Variants in SCN11A observed in about 807,000 individuals in gnomAD.
SCN11A encodes sodium voltage-gated channel alpha subunit 11, also known as sodium channel protein type 11 subunit alpha.
Under a neutral mutation model 162.2 loss-of-function variants are expected in SCN11A, and 122 were observed. The observed-to-expected ratio is 0.75, with a 90% CI of 0.65 to 0.87. The LOEUF (loss-of-function observed/expected upper bound fraction) is 0.87. Among genes scored for constraint, SCN11A ranks in the 40% least tolerant of loss-of-function variants. SCN11A has a pLI of 0.00. For missense variants in SCN11A, 2,015 were observed against 2,181.6 expected (o/e 0.92, Z 1.52); for synonymous variants, 758 against 751.5 (o/e 1.01, Z -0.14).
chr3:38,940,793 G>A (rs1008399602), intron 7 of SCN11A, among the ~76,000 whole-genome samples: 8 of 152,156 alleles, frequency 5.3e-5, no homozygotes, highest in African/African-American at 9.7e-5. Flanking sequence ...CACGGGCATA[G>A]AGGAAAGTTT....
At chr3:38,981,314 G>A (rs1006325933) in intron 2 of SCN11A, among the ~76,000 whole-genome samples, 2 of 152,154 alleles carry the variant, frequency 1.3e-5, no homozygotes, top group African/African-American at 2.4e-5. Context: ...TGACCTGTTG[G>A]AGAAATTCAG....
At chr3:38,881,516 A>G (rs1046444684) in intron 22 of SCN11A, among the ~76,000 whole-genome samples, 1 of 152,184 alleles carries the variant, frequency 6.6e-6, no homozygotes, top group African/African-American at 2.4e-5. Context: ...AGGCTTCCAC[A>G]TTATATCTAG....
At chr3:38,954,963 G>A (rs1304230654) in intron 3 of SCN11A, among the ~76,000 whole-genome samples, 2 of 152,124 alleles carry the variant, frequency 1.3e-5, no homozygotes. Flanking sequence ...CCTCCAGCCT[G>A]GGTAACCCAG....
intron 7 of SCN11A, among the ~76,000 whole-genome samples, chr3:38,944,429 C>T (rs139571251): frequency 0.016 from 2,396 of 151,728 alleles, 65 homozygotes; most frequent in African/African-American, 0.056. Flanking sequence ...CAGGTTCATG[C>T]CATTCTCCTG....
intron 9 of SCN11A, among the ~76,000 whole-genome samples, chr3:38,922,504 G>A (rs2066069536): frequency 6.6e-6 from 1 of 152,160 alleles, no homozygotes; most frequent in African/African-American, 2.4e-5. Flanking sequence ...CATTTAATGG[G>A]CCAAAATAGA....
intron 2 of SCN11A, among the ~76,000 whole-genome samples, chr3:39,024,706 A>G (rs1367074985): frequency 2.0e-5 from 3 of 152,192 alleles, no homozygotes; most frequent in Non-Finnish European, 4.4e-5. Context: ...TAAGACTCCC[A>G]TTTCAGAAAG....
At chr3:38,924,670 G>T (rs2066108808) in intron 9 of SCN11A, among the ~76,000 whole-genome samples, 1 of 152,038 alleles carries the variant, frequency 6.6e-6, no homozygotes, top group Non-Finnish European at 1.5e-5. Context: ...ACTGCACCTG[G>T]CCTTAACTCT....
intron 7 of SCN11A, among the ~76,000 whole-genome samples, chr3:38,930,831 C>G (rs2066228783): frequency 6.6e-6 from 1 of 152,130 alleles, no homozygotes; most frequent in Non-Finnish European, 1.5e-5. Flanking sequence ...TCCAAAACTT[C>G]CAGGGGAGAG....
At chr3:38,938,087 G>A (rs1278602031) in intron 7 of SCN11A, among the ~76,000 whole-genome samples, 6 of 152,104 alleles carry the variant, frequency 3.9e-5, no homozygotes, top group Admixed American at 3.9e-4. Flanking sequence ...GTAGGGACAT[G>A]GATGAAATTG....
chr3:39,037,137 T>A (rs1439432198), intron 1 of SCN11A, among the ~76,000 whole-genome samples: 1 of 152,232 alleles, frequency 6.6e-6, no homozygotes. Context: ...AGAGTACTAT[T>A]CAGCTACAAA....
intron 4 of SCN11A, among the ~76,000 whole-genome samples, chr3:38,950,902 T>C (rs2066602797): frequency 6.6e-6 from 1 of 152,202 alleles, no homozygotes. Flanking sequence ...AAAAGAGCCA[T>C]AAACATAGGC....
chr3:38,920,493 T>C (rs2066031046), intron 10 of SCN11A, among the ~76,000 whole-genome samples: 1 of 151,818 alleles, frequency 6.6e-6, no homozygotes, highest in Admixed American at 6.6e-5. Context: ...GAGATGGAGA[T>C]CATCCTGGCC....
Position 38,899,993 on chromosome 3 carries a change from C to T in SCN11A, c.1923G>A (p.Trp641Ter), listed in dbSNP as rs1553638089. The change falls in exon 17 of 30, where the codon TGG becomes TGA. Residue 641 changes from tryptophan (W) to a stop codon, truncating the protein, a stop_gained. Coordinates refer to ENST00000302328, the MANE Select transcript of SCN11A (RefSeq NM_001349253.2). LOFTEE classifies it high-confidence loss of function. ...GAGCAACAATGCTGTCAAAAATGTTCCAGCCTCGGCGAAAGTAGTGGTAGG... is the reference window on the plus strand; with the variant it reads ...GAGCAACAATGCTGTCAAAAATGTTTCAGCCTCGGCGAAAGTAGTGGTAGG... ...LDPYHYFRRG[W>*]NIFDSIVALL... The T allele has an allele frequency of 6.2e-7, 1 of 1,614,076 alleles. No individual in the cohort carries two copies. Among genetic ancestry groups the T allele is most frequent in the Non-Finnish European group, 8.5e-7 (1 of 1,179,984 alleles).
At chr3:39,044,877 T>C (rs569219110) in intron 1 of SCN11A, among the ~76,000 whole-genome samples, 23 of 151,016 alleles carry the variant, frequency 1.5e-4, no homozygotes, top group African/African-American at 5.4e-4. Context: ...AAACAAAAAG[T>C]TTTTTGAAAA....
chr3:38,950,377 C>G lies in SCN11A; in HGVS notation c.-7-8G>C. 1 of 1,612,228 alleles carries G rather than the reference C, an allele frequency of 6.2e-7. No homozygotes were observed. The highest frequency in any genetic ancestry group is 8.5e-7 in the Non-Finnish European group (1 of 1,179,718). ...CTGTCATCCATCTTCACCCTCAGGA[C>G]AGAGACAAGCCACAGATCCTCAGAA... On this transcript the variant is annotated splice_region_variant and splice_polypyrimidine_tract_variant and intron_variant, in intron 4 of 29. Transcript: ENST00000302328.
chr3:39,038,081 C>T (rs55927205), intron 1 of SCN11A, among the ~76,000 whole-genome samples: 12,561 of 152,152 alleles, frequency 0.083, 737 homozygotes, highest in African/African-American at 0.16. Context: ...GCTGTGAAGG[C>T]GCTGTGACAT....
chr3:38,924,613 T>G (rs1160545229), intron 9 of SCN11A, among the ~76,000 whole-genome samples: 1 of 152,150 alleles, frequency 6.6e-6, no homozygotes, highest in African/African-American at 2.4e-5. Context: ...CCTCAGGTGA[T>G]CCACCTGCCT....
intron 2 of SCN11A, among the ~76,000 whole-genome samples, chr3:39,006,083 TG>T (rs1311349464): frequency 6.6e-6 from 1 of 152,236 alleles, no homozygotes; most frequent in Non-Finnish European, 1.5e-5. Flanking sequence ...TTGTCTTTTT[TG>T]TTCAATGTTT....
intron 22 of SCN11A, among the ~76,000 whole-genome samples, chr3:38,882,178 C>G (rs1000771120): frequency 5.9e-5 from 9 of 152,170 alleles, no homozygotes; most frequent in African/African-American, 2.2e-4. Flanking sequence ...AGTAAGTAGA[C>G]AAATGGACAT....
Sources: gnomAD v4.1 joint callset for allele counts (sites outside exome capture counted in the v4.1 genomes callset) on GRCh38, gnomAD v4.1.1 for gene constraint, MANE v1.5 for transcripts, NCBI Gene and HGNC (gene_info 2026-07-23, HGNC 2026-07-21) for gene names.